Variants in UBR2 observed in about 807,000 individuals in gnomAD.
UBR2 encodes the protein ubiquitin protein ligase E3 component n-recognin 2, also known as E3 ubiquitin-protein ligase UBR2.
UBR2 carries 92 observed loss-of-function variants against 247.9 expected under a neutral mutation model. The ratio of observed to expected loss-of-function variants is 0.37; its 90% CI spans 0.31 to 0.44. UBR2 has a LOEUF of 0.44. UBR2 is among the 20% of genes least tolerant of loss of function. UBR2 has a pLI of 1.00. For synonymous variants in UBR2, 672 were observed against 693.5 expected (o/e 0.97, Z 0.49); for missense variants, 1,613 against 2,112.6 (o/e 0.76, Z 4.64).
chr6:42,587,458 A>C (rs1168347149), intron 2 of UBR2, among the ~76,000 whole-genome samples: 1 of 152,088 alleles, frequency 6.6e-6, no homozygotes, highest in Non-Finnish European at 1.5e-5. Context: ...CCCAGGTTCA[A>C]GCAATCCTCT....
chr6:42,603,300 C>A (rs533897946), intron 4 of UBR2, among the ~76,000 whole-genome samples: 1 of 152,142 alleles, frequency 6.6e-6, no homozygotes, highest in Non-Finnish European at 1.5e-5. Context: ...TTTTTGAGAT[C>A]GTGGAATACC....
chr6:42,604,838 G>A (rs1321037186), intron 5 of UBR2, among the ~76,000 whole-genome samples: 2 of 151,988 alleles, frequency 1.3e-5, no homozygotes, highest in African/African-American at 2.4e-5. Flanking sequence ...ACCAGCCTGG[G>A]CAGCATAGTA....
intron 11 of UBR2, among the ~76,000 whole-genome samples, chr6:42,631,879 TATATATATATAA>T (rs1253565781): frequency 1.2e-4 from 17 of 138,986 alleles, no homozygotes; most frequent in South Asian, 8.9e-4. Context: ...TATATATATA[TATATATATATAA>T]ATACAGGTTC....
In UBR2 at chr6:42,663,240, T is replaced by C; in HGVS notation, c.3537-18T>C. Reference sequence around the variant, plus strand: ...AAATTACCATTGTTTTGATACCTCATGTTCTCTAATTGTAAAGGTATTTTG... The same window carrying C: ...AAATTACCATTGTTTTGATACCTCACGTTCTCTAATTGTAAAGGTATTTTG... On this transcript the variant is annotated intron_variant, in intron 31 of 46. Transcript: ENST00000372901. 1.9e-6 allele frequency: 3 copies of C among 1,577,216 alleles called. No homozygotes were observed. The highest frequency in any genetic ancestry group is 1.7e-6 in the Non-Finnish European group (2 of 1,160,752).
chr6:42,626,471 C>G (rs2093442482), intron 11 of UBR2, among the ~76,000 whole-genome samples: 1 of 152,194 alleles, frequency 6.6e-6, no homozygotes, highest in Admixed American at 6.5e-5. Context: ...TACGGCTTCT[C>G]TTGTGTCTGC....
chr6:42,605,867 A>G lies in UBR2; in HGVS notation c.801+8A>G. The G allele has an allele frequency of 6.3e-7, 1 of 1,597,878 alleles. No individual in the cohort carries two copies. The highest frequency in any genetic ancestry group is 1.1e-5 in the South Asian group (1 of 87,382). On this transcript the variant is annotated splice_region_variant and intron_variant, in intron 6 of 46. Coordinates refer to ENST00000372901, the MANE Select transcript of UBR2 (RefSeq NM_001363705.2). The stretch of plus-strand genomic sequence containing the variant: ...ACTACAGTAGATCGAGATGTAAGTA[A>G]TTTTACCATGTTGATAATAAATTGA...
At chr6:42,599,782 C>T (rs2053217725) in intron 4 of UBR2, among the ~76,000 whole-genome samples, 1 of 152,082 alleles carries the variant, frequency 6.6e-6, no homozygotes, top group Admixed American at 6.6e-5. Context: ...TCCCCAGTAG[C>T]TGCGACCACA....
intron 23 of UBR2, among the ~76,000 whole-genome samples, 176 bp from the exon 24 acceptor site, chr6:42,651,847 C>T (rs984099968): frequency 1.3e-5 from 2 of 152,060 alleles, no homozygotes; most frequent in East Asian, 1.9e-4. Flanking sequence ...CACATTGGCT[C>T]ATGCCTGTAA....
At chr6:42,598,074 C>T (rs192115985) in intron 4 of UBR2, among the ~76,000 whole-genome samples, 1 of 152,182 alleles carries the variant, frequency 6.6e-6, no homozygotes, top group East Asian at 1.9e-4. Context: ...TATAGAAATG[C>T]TATGCAGGAG....
chr6:42,609,476 G>A (rs1180964656), intron 7 of UBR2, among the ~76,000 whole-genome samples: 1 of 152,086 alleles, frequency 6.6e-6, no homozygotes, highest in Non-Finnish European at 1.5e-5. Flanking sequence ...GTGTAAATAT[G>A]TGTAAATGGA....
At chr6:42,609,565 A>C (rs1055027003) in intron 7 of UBR2, among the ~76,000 whole-genome samples, 7 of 152,120 alleles carry the variant, frequency 4.6e-5, no homozygotes, top group Admixed American at 1.3e-4. Flanking sequence ...GGATCCAAAA[A>C]AAAATAAAAA....
At chr6:42,656,631 C>T (rs1216080767) in intron 26 of UBR2, among the ~76,000 whole-genome samples, 2 of 152,186 alleles carry the variant, frequency 1.3e-5, no homozygotes, top group Non-Finnish European at 2.9e-5. Flanking sequence ...TAACTGTGTT[C>T]AGTGCCATTT....
intron 22 of UBR2, among the ~76,000 whole-genome samples, chr6:42,649,399 T>C (rs538898237): frequency 2.6e-5 from 4 of 152,330 alleles, no homozygotes; most frequent in Non-Finnish European, 5.9e-5. Flanking sequence ...TAAACAAATA[T>C]TGAAAATCCT....
chr6:42,568,146 T>C (rs1171983439), intron 1 of UBR2, among the ~76,000 whole-genome samples: 1 of 152,160 alleles, frequency 6.6e-6, no homozygotes, highest in Non-Finnish European at 1.5e-5. Flanking sequence ...TTTTAAACCG[T>C]TTTATTGAGA....
At chr6:42,686,490 C>G (rs1033648138) in intron 44 of UBR2, among the ~76,000 whole-genome samples, 24 of 152,162 alleles carry the variant, frequency 1.6e-4, no homozygotes, top group African/African-American at 5.8e-4. Context: ...TCTACACAGA[C>G]ACAGTAACAA....
chr6:42,688,872 G>T (rs931848008), intron 45 of UBR2, among the ~76,000 whole-genome samples: 6 of 152,262 alleles, frequency 3.9e-5, no homozygotes, highest in Admixed American at 3.9e-4. Flanking sequence ...TGAGAGAGAG[G>T]ACAAGCAAGA....
chr6:42,581,606 T>TA (rs1344832475), intron 2 of UBR2, among the ~76,000 whole-genome samples: 2 of 152,202 alleles, frequency 1.3e-5, no homozygotes, highest in Non-Finnish European at 2.9e-5. Context: ...TGATTACAGT[T>TA]ATGAGCTACT....
chr6:42,670,371 G>A (rs1798358920), intron 35 of UBR2, 131 bp downstream of exon 35: 1 of 1,193,802 alleles, frequency 8.4e-7, no homozygotes, highest in Non-Finnish European at 1.2e-6. Context: ...AGACTTAGAA[G>A]CAAGAAATGT....
chr6:42,588,326 C>T (rs779655649), intron 2 of UBR2, among the ~76,000 whole-genome samples: 2 of 152,222 alleles, frequency 1.3e-5, no homozygotes, highest in Non-Finnish European at 2.9e-5. Flanking sequence ...CCTAACACCT[C>T]AGTCCCAGGG....
Sources: allele counts gnomAD v4.1 joint callset (sites outside exome capture counted in the v4.1 genomes callset), GRCh38; gene constraint gnomAD v4.1.1; transcripts MANE v1.5; gene names NCBI Gene and HGNC (gene_info 2026-07-23, HGNC 2026-07-21).